Variants in MED24 observed in about 807,000 individuals in gnomAD.
MED24 encodes the protein mediator of RNA polymerase II transcription subunit 24.
In MED24, 74 loss-of-function variants were observed where a neutral mutation model predicts 118.8. The ratio of observed to expected loss-of-function variants is 0.62; its 90% CI spans 0.52 to 0.76. The LOEUF is 0.76. Ranked by LOEUF, MED24 falls within the 30% of genes least tolerant of loss-of-function variation. MED24 has a pLI of 0.00. For synonymous variants in MED24, 521 were observed against 523.9 expected, an observed-to-expected ratio of 0.99 and a Z score of 0.08; for missense variants, 1,041 against 1,278.9, an observed-to-expected ratio of 0.81 and a Z score of 2.84.
At chr17:40,045,708 C>A (rs576498944) in intron 3 of MED24, among the ~76,000 whole-genome samples, 1 of 149,780 alleles carries the variant, frequency 6.7e-6, no homozygotes, top group Non-Finnish European at 1.5e-5. Flanking sequence ...CCAAGGAGGT[C>A]AAAGCTGCAG....
At position 40,033,432 on chromosome 17, in the gene MED24, G is replaced by A. The variant is rs760710426; in HGVS notation, c.584C>T (p.Ser195Phe). ...EASSWTAIEH[S>F]LLKLGEILAN... ...CAGGATCTCTCCAAGTTTCAAGAGAGAATGCTCGATGGCAGTCCAAGAAGC... is the reference window on the plus strand; with the variant it reads ...CAGGATCTCTCCAAGTTTCAAGAGAAAATGCTCGATGGCAGTCCAAGAAGC... The change falls in exon 7 of 26, where the codon TCT (serine) becomes TTT (phenylalanine). Residue 195 changes from serine (S) to phenylalanine (F), a missense_variant. This residue lies in a region of MED24 where 434 missense variants were observed against 514.9 expected (regional missense o/e 0.84). Transcript: ENST00000394128. The surrounding 1 kb of genome is among the most constrained non-coding windows in gnomAD (Gnocchi z 5.2). 1.2e-6 allele frequency: 2 copies of A among 1,602,654 alleles called. No individual in the cohort carries two copies. Among genetic ancestry groups the A allele is most frequent in the Non-Finnish European group, 1.7e-6 (2 of 1,174,330 alleles).
chr17:40,053,142 G>A (rs1024049200), intron 3 of MED24, among the ~76,000 whole-genome samples, 156 bp downstream of exon 3: 5 of 151,264 alleles, frequency 3.3e-5, no homozygotes, highest in Non-Finnish European at 7.4e-5. Context: ...GCCATGTTAC[G>A]CAGGCTGGTC....
At position 40,028,407 on chromosome 17, in the gene MED24, C is replaced by A. The variant is rs370603891; in HGVS notation, c.1409+419G>T. 5.3e-5 allele frequency among the ~76,000 whole-genome samples: 8 copies of A among 152,316 alleles called. No homozygotes were observed. In the East Asian group the frequency reaches 1.4e-3, roughly 26 times the overall value. On this transcript the variant is annotated intron_variant, in intron 14 of 25. Coordinates refer to ENST00000394128, the MANE Select transcript of MED24 (RefSeq NM_014815.4). ...AGGATTACAGGCGTGAGCCACCGCA[C>A]CCGGCCAGAAGGATTTTTATTGTTA...
chr17:40,036,498 G>A (rs578131730), intron 3 of MED24, among the ~76,000 whole-genome samples: 70 of 152,202 alleles, frequency 4.6e-4, no homozygotes, highest in African/African-American at 1.6e-3. Context: ...AGACCATCCC[G>A]CCCAACATGG....
intron 3 of MED24, 123 bp from the exon 4 acceptor site, chr17:40,036,277 C>A (rs1330505910): frequency 7.7e-6 from 7 of 912,784 alleles, no homozygotes. Context: ...AGGCCCTCTT[C>A]AACCCAAGCA....
Position 40,046,615 on chromosome 17 carries a change from G to A in MED24, c.213+6683C>T, listed in dbSNP as rs377102886. 4.1e-3 allele frequency among the ~76,000 whole-genome samples: 606 copies of A among 149,226 alleles called. 3 individuals carry two copies. The highest frequency in any genetic ancestry group is 0.014 in the African/African-American group (580 of 41,094). ...CAAAAAATTAGCCGGGCGTAGTGGCGGGCGCCTGTAGTCCCAGCTACTTGG... is the reference window on the plus strand; with the variant it reads ...CAAAAAATTAGCCGGGCGTAGTGGCAGGCGCCTGTAGTCCCAGCTACTTGG... On this transcript the variant is annotated intron_variant, in intron 3 of 25. Coordinates refer to ENST00000394128, the MANE Select transcript of MED24 (RefSeq NM_014815.4).
At chr17:40,026,833 G>A in intron 17 of MED24, 23 bp downstream of exon 17, 1 of 1,611,936 alleles carries the variant, frequency 6.2e-7, no homozygotes, top group Non-Finnish European at 8.5e-7. Flanking sequence ...GCCACCCTTG[G>A]AGTGGGCGCC....
chr17:40,023,455 G>A, intron 19 of MED24, 60 bp from the exon 20 acceptor site: 1 of 1,462,642 alleles, frequency 6.8e-7, no homozygotes, highest in Non-Finnish European at 9.2e-7. Context: ...GGAGGGAGAG[G>A]AGGGAACACC....
chr17:40,030,967 C>T (rs533121318), intron 12 of MED24, among the ~76,000 whole-genome samples, 192 bp downstream of exon 12: 1 of 152,284 alleles, frequency 6.6e-6, no homozygotes, highest in Non-Finnish European at 1.5e-5. Flanking sequence ...AGAGCAGTGA[C>T]TAAGAGTGTA....
chr17:40,053,195 A>G (rs1033235223), intron 3 of MED24, 103 bp downstream of exon 3: 3 of 1,132,586 alleles, frequency 2.6e-6, no homozygotes, highest in South Asian at 3.1e-5. Context: ...TCAGCCTCCC[A>G]CAATGCTGGG....
At chr17:40,031,850 A>ACTGAAGCACACGCACATG (rs569873215) in intron 10 of MED24, among the ~76,000 whole-genome samples, 193 bp downstream of exon 10, 2 of 151,914 alleles carry the variant, frequency 1.3e-5, no homozygotes, top group South Asian at 2.1e-4. Context: ...GCACGCACAC[A>ACTGAAGCACACGCACATG]CTGAAGCACA....
At position 40,027,428 on chromosome 17, in the gene MED24, GAT is replaced by G; in HGVS notation, c.1483_1484del (p.Ile495LeufsTer26). The G allele has an allele frequency of 6.2e-7, 1 of 1,613,744 alleles. No individual in the cohort carries two copies. Among genetic ancestry groups the G allele is most frequent in the Non-Finnish European group, 8.5e-7 (1 of 1,179,804 alleles). On this transcript the variant is annotated frameshift_variant, in exon 16 of 26. Transcript: ENST00000394128. LOFTEE classifies it high-confidence loss of function. ...PASVRALLFD[I>X]SFLMLCHVAQ... ...CCACATGGCACAGCATGAGGAAGGA[GAT>G]GTCAAACAGCAGGGCCCGGACGGAG...
Position 40,019,586 on chromosome 17 carries a change from C to T in MED24, c.2913G>A (p.Thr971=), listed in dbSNP as rs556276410. 5.6e-6 allele frequency: 9 copies of T among 1,611,944 alleles called. No individual in the cohort carries two copies. The African/African-American group carries it at 6.7e-5, about 12-fold the overall frequency. The stretch of plus-strand genomic sequence containing the variant: ...GGCGGCCCAGGGGCAGGCTGAGGTC[C>T]GTGATGGCCAGAACCACCTTGGGGC... ...MSSPKVVLAI[T]DLSLPLGRQV... is the part of the protein sequence containing the mutation. Residue 971 remains threonine, a synonymous_variant, in exon 26 of 26, where the codon ACG becomes ACA. Transcript: ENST00000394128.
chr17:40,027,237 G>A lies in MED24; in HGVS notation c.1530+146C>T, dbSNP rs1025412066. 3.8e-5 allele frequency: 42 copies of A among 1,114,464 alleles called. No homozygotes were observed. In the East Asian group the frequency reaches 4.5e-4, roughly 12 times the overall value. 69.0% of individuals were successfully genotyped at this position (1,114,464 alleles called of 1,614,324 possible). On this transcript the variant is annotated intron_variant, in intron 16 of 25. Transcript: ENST00000394128. ...AACATAGGGCTGAAGGTGCCTCTACGGACTCCAGCCCGGGTGGGCACCTGG... is the reference window on the plus strand; with the variant it reads ...AACATAGGGCTGAAGGTGCCTCTACAGACTCCAGCCCGGGTGGGCACCTGG...
At chr17:40,050,924 G>A (rs751517535) in intron 3 of MED24, among the ~76,000 whole-genome samples, 4 of 151,784 alleles carry the variant, frequency 2.6e-5, no homozygotes, top group Non-Finnish European at 5.9e-5. Context: ...ATTACCTGAG[G>A]TCGGGAGTTT....
chr17:40,023,139 G>C lies in MED24; in HGVS notation c.2242C>G (p.Leu748Val). The C allele has an allele frequency of 6.2e-7, 1 of 1,613,692 alleles. No individual in the cohort carries two copies. The highest frequency in any genetic ancestry group is 8.5e-7 in the Non-Finnish European group (1 of 1,179,716). ...CACTCCAGCCCAAGTACCTTAATCA[G>C]GTTGTTGCAGAACCAGTAGACGCCG... The part of the protein sequence containing the change: ...MGGVYWFCNN[L>V]IKELLKETRK... The change falls in exon 20 of 26, where the codon CTG (leucine) becomes GTG (valine). Residue 748 changes from leucine (L) to valine (V), a missense_variant. Around this residue, in one of 3 missense-constraint regions of MED24, gnomAD observed 587 missense variants for 694.4 expected, o/e 0.85. Coordinates refer to ENST00000394128, the MANE Select transcript of MED24 (RefSeq NM_014815.4).
intron 19 of MED24, among the ~76,000 whole-genome samples, chr17:40,025,015 C>T (rs768654192): frequency 2.6e-5 from 4 of 152,166 alleles, no homozygotes; most frequent in Admixed American, 6.5e-5. Flanking sequence ...GGATTGCAGG[C>T]GTGAGCCACC....
chr17:40,027,943 C>A lies in MED24; in HGVS notation c.1413G>T (p.Leu471Phe). 1 of 1,613,832 alleles carries A rather than the reference C, an allele frequency of 6.2e-7. No individual in the cohort carries two copies. The highest frequency in any genetic ancestry group is 1.1e-5 in the South Asian group (1 of 91,072). ...CGCTGCCATAGGTTGTGAATTCATT[C>A]AAACTGAAAGGAATGGAGACAGGCT... ...LKSFARKFIN[L>F]NEFTTYGSEE... Residue 471 changes from leucine (L) to phenylalanine (F), a missense_variant, in exon 15 of 26, where the codon TTG becomes TTT. Transcript: ENST00000394128.
At chr17:40,029,914 G>T in intron 12 of MED24, 55 bp from the exon 13 acceptor site, 2 of 1,519,724 alleles carry the variant, frequency 1.3e-6, no homozygotes, top group South Asian at 1.1e-5. Context: ...AGAAATTCTT[G>T]ACACGTTCCC....
Sources: gnomAD v4.1 joint callset for allele counts (sites outside exome capture counted in the v4.1 genomes callset) on GRCh38, gnomAD v4.1.1 for gene constraint, gnomAD v4.1.1 regional missense constraint, Gnocchi (gnomAD v3.1) non-coding constraint, MANE v1.5 for transcripts, NCBI Gene and HGNC (gene_info 2026-07-23, HGNC 2026-07-21) for gene names.